PHYHIPL: variants seen among roughly 807,000 people sequenced by gnomAD.
The protein encoded by PHYHIPL is phytanoyl-CoA hydroxylase-interacting protein-like.
Under a neutral mutation model 33.4 loss-of-function variants are expected in PHYHIPL, and 9 were observed. The observed-to-expected ratio is 0.27, with a 90% confidence interval of 0.16 to 0.47. The LOEUF is 0.47. PHYHIPL is among the 20% of genes least tolerant of loss of function. The pLI is 0.99. For missense variants in PHYHIPL, 365 were observed against 460.7 expected (o/e 0.79, Z 1.90); for synonymous variants, 153 against 154.1 (o/e 0.99, Z 0.05).
intron 4 of PHYHIPL, among the ~76,000 whole-genome samples, chr10:59,241,769 G>A (rs549336012): frequency 1.2e-4 from 18 of 151,922 alleles, no homozygotes; most frequent in South Asian, 6.2e-4. Context: ...TCCTTATTTC[G>A]CCCACATCTA....
intron 1 of PHYHIPL, among the ~76,000 whole-genome samples, chr10:59,177,975 A>G (rs1838300301): frequency 6.6e-6 from 1 of 152,210 alleles, no homozygotes; most frequent in African/African-American, 2.4e-5. Flanking sequence ...AGAGGTAATG[A>G]TTGTAAAACA....
At chr10:59,204,857 CAT>C (rs1206626478) in intron 1 of PHYHIPL, among the ~76,000 whole-genome samples, 4 of 148,812 alleles carry the variant, frequency 2.7e-5, no homozygotes, top group African/African-American at 4.9e-5. Flanking sequence ...AAAGGAGTCT[CAT>C]AAAGTTTTTT....
intron 1 of PHYHIPL, among the ~76,000 whole-genome samples, chr10:59,191,094 T>A (rs1352140985): frequency 6.6e-6 from 1 of 151,930 alleles, no homozygotes; most frequent in Non-Finnish European, 1.5e-5. Context: ...TAGTGGTGTG[T>A]TAAAAATTGG....
chr10:59,180,668 G>GA (rs1177985296), intron 1 of PHYHIPL, among the ~76,000 whole-genome samples: 10 of 151,490 alleles, frequency 6.6e-5, no homozygotes, highest in Non-Finnish European at 1.3e-4. Flanking sequence ...TACTTACGTG[G>GA]AAAAAATGGA....
chr10:59,240,307 T>C (rs1419498648), intron 4 of PHYHIPL, among the ~76,000 whole-genome samples: 2 of 152,062 alleles, frequency 1.3e-5, no homozygotes, highest in African/African-American at 4.8e-5. Context: ...TGTTTCTTTA[T>C]ACAGATGCTC....
intron 1 of PHYHIPL, among the ~76,000 whole-genome samples, chr10:59,198,537 T>C (rs1313776294): frequency 6.6e-6 from 1 of 152,148 alleles, no homozygotes; most frequent in African/African-American, 2.4e-5. Context: ...GTCTTTATAG[T>C]AGCATGATTT....
At chr10:59,184,692 C>G (rs905421782) in intron 1 of PHYHIPL, among the ~76,000 whole-genome samples, 3 of 151,578 alleles carry the variant, frequency 2.0e-5, no homozygotes, top group African/African-American at 7.3e-5. Flanking sequence ...TACATGTGCA[C>G]AACGTGCAGG....
In PHYHIPL at chr10:59,197,717, A is replaced by T. The variant is rs79707993; in HGVS notation, c.106+20758A>T. 2.3e-3 allele frequency among the ~76,000 whole-genome samples: 350 copies of T among 152,164 alleles called. 2 individuals carry two copies. The highest frequency in any genetic ancestry group is 0.014 in the Middle Eastern group (4 of 294). On this transcript the variant is annotated intron_variant, in intron 1 of 4. Coordinates refer to ENST00000373880, the MANE Select transcript of PHYHIPL (RefSeq NM_032439.4). ...AACACTTTACTTTTACTTATTTAGG[A>T]TTGTGTATGTTGGTTACAATTACCA...
intron 1 of PHYHIPL, among the ~76,000 whole-genome samples, chr10:59,213,502 T>C (rs1329040436): frequency 6.6e-6 from 1 of 152,132 alleles, no homozygotes; most frequent in Non-Finnish European, 1.5e-5. Context: ...GTATATTTAC[T>C]CTCTGAAATG....
chr10:59,210,460 G>A (rs914334526), intron 1 of PHYHIPL, among the ~76,000 whole-genome samples: 4 of 152,094 alleles, frequency 2.6e-5, no homozygotes, highest in Admixed American at 6.5e-5. Flanking sequence ...AAATAGGAAC[G>A]CTTTTACACT....
chr10:59,246,620 G>A lies in PHYHIPL; in HGVS notation c.*1029G>A, dbSNP rs1414807192. On this transcript the variant is annotated 3_prime_UTR_variant, in exon 5 of 5. Coordinates refer to ENST00000373880, the MANE Select transcript of PHYHIPL (RefSeq NM_032439.4). ...AATGATATACACTGAAGTTGATGAA[G>A]CAAATAAATATTCTGGCTTCTTTTT... 1 of 397,530 alleles carries A rather than the reference G, an allele frequency of 2.5e-6. No individual in the cohort carries two copies. Among genetic ancestry groups the A allele is most frequent in the East Asian group, 3.6e-5 (1 of 27,864 alleles). The allele number at this position is 397,530 out of a possible 1,614,324, so 24.6% of individuals were successfully genotyped here.
intron 1 of PHYHIPL, among the ~76,000 whole-genome samples, chr10:59,222,353 C>T (rs1839801079): frequency 6.6e-6 from 1 of 151,806 alleles, no homozygotes; most frequent in Non-Finnish European, 1.5e-5. Flanking sequence ...AGAAATAATT[C>T]AGAAAGCGGG....
In PHYHIPL at chr10:59,176,751, C is replaced by CT; in HGVS notation, c.-103_-102insT. Reference sequence around the variant, plus strand: ...CATCACCGCGTCCCAGGCCTCCTTCCCTCCCTCTGCCACTCCCCCTCCCTT... The same window carrying CT: ...CATCACCGCGTCCCAGGCCTCCTTCCTCTCCCTCTGCCACTCCCCCTCCCTT... On this transcript the variant is annotated 5_prime_UTR_variant, in exon 1 of 5. Transcript: ENST00000373880. The CT allele has an allele frequency of 9.3e-7, 1 of 1,076,456 alleles. No individual in the cohort carries two copies. Among genetic ancestry groups the CT allele is most frequent in the Non-Finnish European group, 1.3e-6 (1 of 748,816 alleles). The allele number at this position is 1,076,456 out of a possible 1,614,324, so 66.7% of individuals were successfully genotyped here.
Position 59,238,697 on chromosome 10 carries a change from C to T in PHYHIPL, c.588C>T (p.Asp196=). The T allele has an allele frequency of 6.4e-7, 1 of 1,567,540 alleles. No individual in the cohort carries two copies. Residue 196 remains aspartate, a synonymous_variant, in exon 4 of 5, where the codon GAC becomes GAT. Coordinates refer to ENST00000373880, the MANE Select transcript of PHYHIPL (RefSeq NM_032439.4). ...FYRNQHKEYF[D]YVREHHGNAM... is the part of the protein sequence containing the mutation. ...GTAATCAGCACAAAGAATATTTTGACTATGTTCGGTAAGATTCAAAAATAT... is the reference window on the plus strand; with the variant it reads ...GTAATCAGCACAAAGAATATTTTGATTATGTTCGGTAAGATTCAAAAATAT...
intron 2 of PHYHIPL, among the ~76,000 whole-genome samples, chr10:59,236,143 A>T (rs952927198): frequency 3.6e-4 from 54 of 152,070 alleles, no homozygotes; most frequent in African/African-American, 1.3e-3. Context: ...AACAAGCTGT[A>T]TGACCTCGAA....
At chr10:59,192,085 C>T (rs1224455260) in intron 1 of PHYHIPL, among the ~76,000 whole-genome samples, 1 of 152,046 alleles carries the variant, frequency 6.6e-6, no homozygotes, top group Non-Finnish European at 1.5e-5. Context: ...TAAACAAACA[C>T]ACATGAAACA....
chr10:59,207,177 G>A (rs1839309138), intron 1 of PHYHIPL, among the ~76,000 whole-genome samples: 1 of 150,054 alleles, frequency 6.7e-6, no homozygotes, highest in Admixed American at 6.6e-5. Context: ...GCAGCTCCCA[G>A]TGAGATCAAC....
intron 1 of PHYHIPL, among the ~76,000 whole-genome samples, chr10:59,220,670 A>C (rs2133257500): frequency 6.6e-6 from 1 of 152,192 alleles, no homozygotes; most frequent in Admixed American, 6.5e-5. Flanking sequence ...AATGAAGATT[A>C]GTTAAGTGAT....
chr10:59,194,849 C>T (rs890604424), intron 1 of PHYHIPL, among the ~76,000 whole-genome samples: 1 of 152,054 alleles, frequency 6.6e-6, no homozygotes, highest in Admixed American at 6.6e-5. Flanking sequence ...GTAGCTAAAT[C>T]GGATAATTTA....
Sources: allele counts gnomAD v4.1 joint callset (sites outside exome capture counted in the v4.1 genomes callset), GRCh38; gene constraint gnomAD v4.1.1; transcripts MANE v1.5; gene names NCBI Gene and HGNC (gene_info 2026-07-23, HGNC 2026-07-21).